The following SUMF1 variants were observed in gnomAD, a reference collection of about 807,000 sequenced individuals.
SUMF1 encodes formylglycine-generating enzyme.
SUMF1 carries 48 observed loss-of-function variants against 47.6 expected under a neutral mutation model. The ratio of observed to expected loss-of-function variants is 1.01; its 90% CI spans 0.80 to 1.28. The LOEUF is 1.28. SUMF1 is among the 50% of genes most tolerant of loss of function. The probability of loss-of-function intolerance (pLI) is 0.00; values close to 1 mark genes in which losing one functional copy is unlikely to be tolerated. For missense variants in SUMF1, 571 were observed against 485.4 expected (o/e 1.18, Z -1.66); for synonymous variants, 230 against 192.1 (o/e 1.20, Z -1.63).
intron 8 of SUMF1, among the ~76,000 whole-genome samples, chr3:4,194,183 T>A (rs968189142): frequency 2.0e-4 from 30 of 152,194 alleles, no homozygotes; most frequent in African/African-American, 7.0e-4. Context: ...AGAACTGAGT[T>A]TTTTTACTTT....
chr3:4,363,402 G>A (rs954954137), intron 8 of SUMF1, among the ~76,000 whole-genome samples: 2 of 151,978 alleles, frequency 1.3e-5, no homozygotes, highest in African/African-American at 4.8e-5. Context: ...ATTTCATTGA[G>A]CAGTGGTTTG....
intron 8 of SUMF1, among the ~76,000 whole-genome samples, chr3:4,339,749 T>C (rs1039824957): frequency 6.6e-6 from 1 of 152,114 alleles, no homozygotes; most frequent in African/African-American, 2.4e-5. Flanking sequence ...TTCCCACATT[T>C]TTGCACCCAT....
intron 8 of SUMF1, among the ~76,000 whole-genome samples, chr3:4,373,445 A>G (rs959761960): frequency 2.8e-5 from 4 of 140,786 alleles, no homozygotes; most frequent in African/African-American, 1.0e-4. Flanking sequence ...TATTTAAAAA[A>G]TTAGGCCTAC....
intron 8 of SUMF1, among the ~76,000 whole-genome samples, chr3:4,198,030 CT>C (rs11413694): frequency 1.3e-3 from 179 of 134,536 alleles, no homozygotes; most frequent in Admixed American, 1.4e-3. Context: ...TTGTTTTAGG[CT>C]TTTTTTTTTT....
chr3:4,412,308 G>A (rs747098031), intron 6 of SUMF1, among the ~76,000 whole-genome samples: 13 of 152,290 alleles, frequency 8.5e-5, no homozygotes, highest in African/African-American at 2.4e-4. Context: ...GATGAGTAGG[G>A]TAAGAGAGGG....
At chr3:4,276,451 T>C (rs1697419169) in intron 8 of SUMF1, among the ~76,000 whole-genome samples, 1 of 152,200 alleles carries the variant, frequency 6.6e-6, no homozygotes, top group Non-Finnish European at 1.5e-5. Context: ...TACTCTGTTG[T>C]AGAAGTAGCC....
At chr3:4,233,073 T>A (rs1400492198) in intron 8 of SUMF1, among the ~76,000 whole-genome samples, 2 of 152,116 alleles carry the variant, frequency 1.3e-5, no homozygotes, top group Non-Finnish European at 2.9e-5. Context: ...TAAGCCAGGT[T>A]TTCAATAGTG....
At chr3:4,348,333 T>G (rs1296099310) in intron 8 of SUMF1, among the ~76,000 whole-genome samples, 1 of 152,076 alleles carries the variant, frequency 6.6e-6, no homozygotes, top group African/African-American at 2.4e-5. Flanking sequence ...AACAGACATA[T>G]AGACCAATGG....
intron 8 of SUMF1, among the ~76,000 whole-genome samples, chr3:4,169,117 T>G (rs1225308493): frequency 6.6e-6 from 1 of 152,144 alleles, no homozygotes; most frequent in Non-Finnish European, 1.5e-5. Flanking sequence ...TTCCCAGAGG[T>G]AAATATTGCA....
chr3:4,283,303 T>C (rs1697565290), intron 8 of SUMF1, among the ~76,000 whole-genome samples: 2 of 152,224 alleles, frequency 1.3e-5, no homozygotes, highest in South Asian at 4.1e-4. Flanking sequence ...TATCATTTCA[T>C]CCTTTTATTG....
chr3:4,038,946 C>G (rs1044940854), intron 9 of SUMF1, among the ~76,000 whole-genome samples: 4 of 152,118 alleles, frequency 2.6e-5, no homozygotes, highest in Non-Finnish European at 5.9e-5. Flanking sequence ...GATTAATTTA[C>G]TAACTCACAA....
intron 7 of SUMF1, among the ~76,000 whole-genome samples, chr3:4,387,612 T>C (rs1424851976): frequency 6.6e-6 from 1 of 151,996 alleles, no homozygotes; most frequent in Non-Finnish European, 1.5e-5. Flanking sequence ...ATTATTTCCT[T>C]ACTTTTGCTT....
rs79619499 is a variant in SUMF1 at position 4,455,705 on chromosome 3, A to G, written c.271-2656T>C. 9.8e-5 allele frequency among the ~76,000 whole-genome samples: 15 copies of G among 152,292 alleles called. No individual in the cohort carries two copies. In the East Asian group the frequency reaches 2.3e-3, roughly 24 times the overall value. On this transcript the variant is annotated intron_variant, in intron 1 of 8. Coordinates refer to ENST00000272902, the MANE Select transcript of SUMF1 (RefSeq NM_182760.4). ...GTACTCCAGCCTGGGCGACACAGCAAGACTCCGTTTCAAATAATAATAATA... is the reference window on the plus strand; with the variant it reads ...GTACTCCAGCCTGGGCGACACAGCAGGACTCCGTTTCAAATAATAATAATA...
rs536093280 is a variant in SUMF1, at chr3:4,363,814, G to A, written c.1015-1560C>T. ...CCTGTCTTGTGCCAGTTTTCAAAGGGAATGCTTCCAGTTTTTGCCCATTCA... is the reference window on the plus strand; with the variant it reads ...CCTGTCTTGTGCCAGTTTTCAAAGGAAATGCTTCCAGTTTTTGCCCATTCA... On this transcript the variant is annotated intron_variant, in intron 8 of 8. Coordinates refer to ENST00000272902, the MANE Select transcript of SUMF1 (RefSeq NM_182760.4). Among the ~76,000 whole-genome samples the A allele has an allele frequency of 1.1e-4, 14 of 130,656 alleles. 1 individual carries two copies. Among genetic ancestry groups the A allele is most frequent in the South Asian group, 6.4e-4 (2 of 3,108 alleles). The allele number at this position is 130,656 out of a possible 152,430, so 85.7% of individuals were successfully genotyped here.
At chr3:4,369,381 T>G (rs17040532) in intron 8 of SUMF1, among the ~76,000 whole-genome samples, 1 of 152,168 alleles carries the variant, frequency 6.6e-6, no homozygotes, top group African/African-American at 2.4e-5. Flanking sequence ...GAGGTGACCA[T>G]GCAGGAAGAC....
intron 8 of SUMF1, among the ~76,000 whole-genome samples, chr3:4,256,399 A>T (rs1696954700): frequency 7.6e-6 from 1 of 132,332 alleles, no homozygotes; most frequent in African/African-American, 2.9e-5. Flanking sequence ...AGAGAGAAGA[A>T]TCAAATAGAC....
At chr3:4,175,271 C>A (rs940419643) in intron 8 of SUMF1, among the ~76,000 whole-genome samples, 2 of 152,160 alleles carry the variant, frequency 1.3e-5, no homozygotes, top group East Asian at 1.9e-4. Context: ...CTGGGAGACA[C>A]CTCCCAGTTG....
At chr3:4,323,623 G>GACA (rs1052162577) in intron 8 of SUMF1, among the ~76,000 whole-genome samples, 5 of 152,090 alleles carry the variant, frequency 3.3e-5, no homozygotes, top group Non-Finnish European at 7.4e-5. Flanking sequence ...TGAGGAGGAG[G>GACA]ACAACAACCA....
At chr3:4,456,458 T>G (rs1272658202) in intron 1 of SUMF1, among the ~76,000 whole-genome samples, 1 of 148,980 alleles carries the variant, frequency 6.7e-6, no homozygotes, top group Non-Finnish European at 1.5e-5. Flanking sequence ...TTCTTTGTTT[T>G]TTTTTTTTTT....
Sources: gnomAD v4.1 joint callset for allele counts (sites outside exome capture counted in the v4.1 genomes callset) on GRCh38, gnomAD v4.1.1 for gene constraint, MANE v1.5 for transcripts, NCBI Gene and HGNC (gene_info 2026-07-23, HGNC 2026-07-21) for gene names.